CREB3L1: variants seen among roughly 807,000 people sequenced by gnomAD.
CREB3L1 encodes cAMP responsive element binding protein 3 like 1.
CREB3L1 carries 33 observed loss-of-function variants against 54.5 expected under a neutral mutation model. The observed-to-expected ratio is 0.61, with a 90% confidence interval of 0.46 to 0.81. CREB3L1 has a LOEUF of 0.81. CREB3L1 is among the 30% of genes least tolerant of loss of function. CREB3L1 has a pLI of 0.00. For synonymous variants in CREB3L1, 284 were observed against 286.4 expected, an observed-to-expected ratio of 0.99 and a Z score of 0.08; for missense variants, 656 against 673.3, an observed-to-expected ratio of 0.97 and a Z score of 0.29.
At chr11:46,312,181 C>A in intron 5 of CREB3L1, 144 bp from the exon 6 acceptor site, 1 of 691,622 alleles carries the variant, frequency 1.4e-6, no homozygotes. Context: ...TGAATTTCAC[C>A]CAGATCCACT....
intron 10 of CREB3L1, 105 bp downstream of exon 10, chr11:46,317,592 C>A: frequency 7.1e-7 from 1 of 1,407,898 alleles, no homozygotes; most frequent in South Asian, 1.3e-5. Context: ...AGTGTGGGGT[C>A]AGCATTATCT....
chr11:46,314,710 CTT>C (rs199547974), intron 8 of CREB3L1, among the ~76,000 whole-genome samples: 15 of 141,416 alleles, frequency 1.1e-4, no homozygotes, highest in Admixed American at 2.1e-4. Flanking sequence ...TTTTTATTTA[CTT>C]TTTTTTTTTT....
chr11:46,288,771 C>T (rs1171777504), intron 1 of CREB3L1, among the ~76,000 whole-genome samples: 1 of 152,174 alleles, frequency 6.6e-6, no homozygotes, highest in African/African-American at 2.4e-5. Context: ...ATCATTCTTT[C>T]AGCAACCAGT....
intron 4 of CREB3L1, among the ~76,000 whole-genome samples, chr11:46,310,328 C>T (rs1450651560): frequency 6.6e-6 from 1 of 152,110 alleles, no homozygotes; most frequent in Non-Finnish European, 1.5e-5. Flanking sequence ...AGTACCATGG[C>T]ACGATCTCAG....
At chr11:46,310,424 C>T (rs4756069) in intron 4 of CREB3L1, among the ~76,000 whole-genome samples, 4,104 of 152,092 alleles carry the variant, frequency 0.027, 70 homozygotes, top group Middle Eastern at 0.068. Flanking sequence ...CCCACCACCA[C>T]GCCTGGCTAA....
chr11:46,299,987 A>G lies in CREB3L1; in HGVS notation c.155A>G (p.Asn52Ser), dbSNP rs762759377. ...HFTENMEDFS[N>S]DLFSSFFDDP... ...ACGGAGAACATGGAGGACTTCTCCA[A>G]TGACCTGTTCAGCAGCTTCTTTGAT... Residue 52 changes from asparagine (N) to serine (S), a missense_variant, in exon 2 of 12, where the codon AAT becomes AGT. By Grantham distance (46) the Asn-to-Ser change is conservative. Coordinates refer to ENST00000621158, the MANE Select transcript of CREB3L1 (RefSeq NM_052854.4). The G allele has an allele frequency of 5.0e-6, 8 of 1,613,844 alleles. No individual in the cohort carries two copies. Among genetic ancestry groups the G allele is most frequent in the African/African-American group, 1.3e-5 (1 of 74,922 alleles).
At position 46,281,553 on chromosome 11, in the gene CREB3L1, C is replaced by T. The variant is rs11038848; in HGVS notation, c.102+3340C>T. Among the ~76,000 whole-genome samples, 6 of 152,312 alleles carry T rather than the reference C, an allele frequency of 3.9e-5. No homozygotes were observed. The South Asian group carries it at 6.2e-4, about 16-fold the overall frequency. The stretch of plus-strand genomic sequence containing the variant: ...TGCAAGGATGTTTGCCCAGCACACC[C>T]GTTTACTCCCTGCAGCTGGGGAGGC... On this transcript the variant is annotated intron_variant, in intron 1 of 11. Coordinates refer to ENST00000621158, the MANE Select transcript of CREB3L1 (RefSeq NM_052854.4).
chr11:46,309,392 GAAC>G (rs1347764735), intron 3 of CREB3L1, among the ~76,000 whole-genome samples: 1 of 152,170 alleles, frequency 6.6e-6, no homozygotes, highest in Non-Finnish European at 1.5e-5. Context: ...GTCCTTTCTG[GAAC>G]AACAAGTCAG....
intron 2 of CREB3L1, among the ~76,000 whole-genome samples, chr11:46,300,940 G>A (rs1939289478): frequency 6.7e-6 from 1 of 148,546 alleles, no homozygotes; most frequent in South Asian, 2.1e-4. Context: ...GGGAGGCGGA[G>A]CTTGCAGTGA....
At chr11:46,291,195 A>T (rs1205969286) in intron 1 of CREB3L1, among the ~76,000 whole-genome samples, 1 of 152,142 alleles carries the variant, frequency 6.6e-6, no homozygotes, top group Non-Finnish European at 1.5e-5. Flanking sequence ...ATAGAGACAA[A>T]TGAATGACTC....
intron 1 of CREB3L1, among the ~76,000 whole-genome samples, chr11:46,283,558 C>T (rs1939010385): frequency 6.6e-6 from 1 of 152,020 alleles, no homozygotes; most frequent in South Asian, 2.1e-4. Flanking sequence ...CTGGGGCAAT[C>T]CTTGTAAGGG....
intron 3 of CREB3L1, 89 bp from the exon 4 acceptor site, chr11:46,309,900 G>A: frequency 9.4e-7 from 1 of 1,064,578 alleles, no homozygotes; most frequent in South Asian, 1.4e-5. Flanking sequence ...TGCAGGGCAG[G>A]CAACCAGCTT....
chr11:46,299,096 G>T (rs1343821927), intron 1 of CREB3L1, among the ~76,000 whole-genome samples: 3 of 151,782 alleles, frequency 2.0e-5, no homozygotes, highest in Admixed American at 1.3e-4. Context: ...TTTTTTAATT[G>T]CCAGGTATTT....
chr11:46,297,784 C>G (rs1939234150), intron 1 of CREB3L1, among the ~76,000 whole-genome samples: 1 of 152,150 alleles, frequency 6.6e-6, no homozygotes, highest in African/African-American at 2.4e-5. Context: ...GAGGGAAAGG[C>G]CAAACATTCC....
rs1432589313 is a variant in CREB3L1 at position 46,295,966 on chromosome 11, A to G, written c.103-3969A>G. ...AGCTTATATTGGCACGACTATAGGA[A>G]AAAGTCTTTAACGAGGAGGGAAACA... is the stretch of plus-strand genomic sequence containing the variant. On this transcript the variant is annotated intron_variant, in intron 1 of 11. Coordinates refer to ENST00000621158, the MANE Select transcript of CREB3L1 (RefSeq NM_052854.4). This position sits in a 1 kb window ranked among gnomAD's most constrained non-coding sequence, Gnocchi z 4.6. Among the ~76,000 whole-genome samples, 5 of 152,178 alleles carry G rather than the reference A, an allele frequency of 3.3e-5. No homozygotes were observed. Among genetic ancestry groups the G allele is most frequent in the Admixed American group, 6.5e-5 (1 of 15,292 alleles).
At chr11:46,296,867 G>T (rs530920559) in intron 1 of CREB3L1, among the ~76,000 whole-genome samples, 2 of 152,258 alleles carry the variant, frequency 1.3e-5, no homozygotes, top group South Asian at 4.1e-4. Context: ...CACACAATGG[G>T]GCCAGCTGAG....
chr11:46,308,374 A>T (rs1939433673), intron 3 of CREB3L1, among the ~76,000 whole-genome samples: 1 of 152,202 alleles, frequency 6.6e-6, no homozygotes, highest in South Asian at 2.1e-4. Context: ...AAAAAAGACC[A>T]AAAAGGAAAT....
intron 10 of CREB3L1, among the ~76,000 whole-genome samples, chr11:46,319,986 T>C (rs1939622733): frequency 6.6e-6 from 1 of 152,062 alleles, no homozygotes; most frequent in Non-Finnish European, 1.5e-5. Context: ...CTTTTCTGAG[T>C]ATTTCCTGAA....
At chr11:46,279,696 G>A (rs191170964) in intron 1 of CREB3L1, among the ~76,000 whole-genome samples, 85 of 151,932 alleles carry the variant, frequency 5.6e-4, no homozygotes, top group African/African-American at 1.9e-3. Context: ...AGGGATCGGG[G>A]GATCCACACC....
Sources: allele counts gnomAD v4.1 joint callset (sites outside exome capture counted in the v4.1 genomes callset), GRCh38; gene constraint gnomAD v4.1.1; non-coding constraint Gnocchi (gnomAD v3.1); transcripts MANE v1.5; gene names NCBI Gene and HGNC (gene_info 2026-07-23, HGNC 2026-07-21).